The following CR1L variants were observed in gnomAD, a reference collection of about 807,000 sequenced individuals.
CR1L encodes complement component receptor 1-like protein.
A neutral mutation model predicts 62.3 loss-of-function variants in CR1L; 59 were observed. The observed-to-expected ratio is 0.95, with a 90% CI of 0.77 to 1.18. The LOEUF (loss-of-function observed/expected upper bound fraction) is 1.18, where lower values mean the gene tolerates loss of function less well. CR1L is among the 50% of genes most tolerant of loss of function. The pLI, the probability that CR1L is intolerant of heterozygous loss-of-function variation, is 0.00. For missense variants in CR1L, 700 were observed against 702.8 expected (o/e 1.00, Z 0.04); for synonymous variants, 279 against 248.7 (o/e 1.12, Z -1.15).
intron 1 of CR1L, among the ~76,000 whole-genome samples, chr1:207,676,569 C>T (rs1208925348): frequency 6.6e-6 from 1 of 152,144 alleles, no homozygotes; most frequent in African/African-American, 2.4e-5. Context: ...CCTCCATTCA[C>T]GTAAAAATTG....
intron 4 of CR1L, among the ~76,000 whole-genome samples, chr1:207,691,207 T>C (rs1296624605): frequency 6.6e-6 from 1 of 152,248 alleles, no homozygotes; most frequent in Non-Finnish European, 1.5e-5. Flanking sequence ...TTGTTTATTC[T>C]TTCTGCTGAA....
intron 1 of CR1L, 143 bp downstream of exon 1, chr1:207,645,473 C>A: frequency 2.2e-6 from 2 of 909,292 alleles, no homozygotes; most frequent in South Asian, 2.9e-5. Flanking sequence ...CGAGGGGTGC[C>A]GTGCTCAGAT....
intron 3 of CR1L, among the ~76,000 whole-genome samples, chr1:207,679,001 T>C (rs1663751329): frequency 7.0e-6 from 1 of 142,922 alleles, no homozygotes; most frequent in Non-Finnish European, 1.5e-5. Flanking sequence ...AAGTTCTTTT[T>C]TTTTTTTTTT....
chr1:207,697,687 G>A lies in CR1L; in HGVS notation c.1039+8G>A, dbSNP rs1260326312. 6.2e-7 allele frequency: 1 copy of A among 1,614,008 alleles called. No individual in the cohort carries two copies. Among genetic ancestry groups the A allele is most frequent in the Non-Finnish European group, 8.5e-7 (1 of 1,179,884 alleles). ...CAGCCCCCAGATGTGAAGGTGACTA[G>A]ACTCTTATCTGGCTTGGTATTTTTA... is the stretch of plus-strand genomic sequence containing the variant. On this transcript the variant is annotated splice_region_variant and intron_variant, in intron 6 of 11. Coordinates refer to ENST00000508064, the MANE Select transcript of CR1L (RefSeq NM_175710.2).
chr1:207,706,079 A>G (rs557621428), intron 9 of CR1L, among the ~76,000 whole-genome samples: 1 of 150,038 alleles, frequency 6.7e-6, no homozygotes, highest in East Asian at 1.9e-4. Flanking sequence ...TAAAGCAAAG[A>G]GTAAGAAGAG....
In CR1L at chr1:207,645,314, G is replaced by A. The variant is rs746701479; in HGVS notation, c.81G>A (p.Leu27=). The stretch of plus-strand genomic sequence containing the variant: ...TGCTTCTGGCGGCCCTGGTGTTGCT[G>A]CTGTCCTCCTTCTCCGGTAGGACCC... The part of the protein sequence containing the change: ...PGLLLAALVL[L]LSSFSDQCNV... Residue 27 remains leucine, a synonymous_variant, in exon 1 of 12, where the codon CTG becomes CTA. Transcript: ENST00000508064. The A allele has an allele frequency of 1.4e-5, 23 of 1,613,934 alleles. No homozygotes were observed. Among genetic ancestry groups the A allele is most frequent in the East Asian group, 2.2e-5 (1 of 44,884 alleles).
chr1:207,719,210 T>A (rs2102484799), intron 11 of CR1L, among the ~76,000 whole-genome samples: 1 of 146,108 alleles, frequency 6.8e-6, no homozygotes, highest in African/African-American at 2.5e-5. Context: ...TATACATATG[T>A]AACTAACCTG....
At chr1:207,721,947 GA>G (rs1249570659) in intron 11 of CR1L, among the ~76,000 whole-genome samples, 9 of 83,078 alleles carry the variant, frequency 1.1e-4, no homozygotes. Flanking sequence ...GGCCAGTGAT[GA>G]TGAGCATTTT....
intron 9 of CR1L, among the ~76,000 whole-genome samples, chr1:207,703,933 A>G (rs1314505547): frequency 3.3e-5 from 5 of 152,104 alleles, no homozygotes; most frequent in Non-Finnish European, 4.4e-5. Context: ...CAGGTTGGGC[A>G]ATAGAGGGAG....
At position 207,697,375 on chromosome 1, in the gene CR1L, G is replaced by A; in HGVS notation, c.863-128G>A. The A allele has an allele frequency of 6.4e-6, 10 of 1,571,862 alleles. No homozygotes were observed. The South Asian group carries it at 9.6e-5, about 15-fold the overall frequency. ...CCTGTGTATTTAGTTTGTTATCAATGTAATAAGGCTGTTATTCTACCTTTT... is the reference window on the plus strand; with the variant it reads ...CCTGTGTATTTAGTTTGTTATCAATATAATAAGGCTGTTATTCTACCTTTT... On this transcript the variant is annotated intron_variant, in intron 5 of 11. Transcript: ENST00000508064.
At chr1:207,699,825 G>A (rs1664164322) in intron 8 of CR1L, among the ~76,000 whole-genome samples, 1 of 152,066 alleles carries the variant, frequency 6.6e-6, no homozygotes, top group Admixed American at 6.6e-5. Flanking sequence ...TGAAGTCCCT[G>A]TCCCCATGTT....
chr1:207,706,475 TATTA>T (rs1664269562), intron 9 of CR1L, among the ~76,000 whole-genome samples: 1 of 151,942 alleles, frequency 6.6e-6, no homozygotes, highest in African/African-American at 2.4e-5. Context: ...TCAAATTATG[TATTA>T]AAAAAATTCC....
At chr1:207,689,271 T>C (rs1199176115) in intron 4 of CR1L, among the ~76,000 whole-genome samples, 3 of 152,094 alleles carry the variant, frequency 2.0e-5, no homozygotes, top group Admixed American at 2.0e-4. Context: ...TTACATTGAT[T>C]GATCTTTAAA....
intron 11 of CR1L, among the ~76,000 whole-genome samples, chr1:207,721,335 C>T (rs1188980324): frequency 8.8e-6 from 1 of 113,926 alleles, no homozygotes; most frequent in African/African-American, 3.3e-5. Flanking sequence ...AATTCTATCC[C>T]TCCCCCCTCC....
At chr1:207,711,737 T>G (rs1664361036) in intron 10 of CR1L, among the ~76,000 whole-genome samples, 1 of 152,058 alleles carries the variant, frequency 6.6e-6, no homozygotes, top group Non-Finnish European at 1.5e-5. Flanking sequence ...TGAAACCCTG[T>G]CTTTACTAAA....
rs569259923 is a variant in CR1L at position 207,651,017 on chromosome 1, C to T, written c.97+5687C>T. 5.3e-5 allele frequency among the ~76,000 whole-genome samples: 8 copies of T among 152,134 alleles called. No homozygotes were observed. In the East Asian group the frequency reaches 1.4e-3, roughly 26 times the overall value. On this transcript the variant is annotated intron_variant, in intron 1 of 11. Coordinates refer to ENST00000508064, the MANE Select transcript of CR1L (RefSeq NM_175710.2). Reference sequence around the variant, plus strand: ...AGCCAGGATGGTCTCTATCTCCTGACCTCGTGATCCGCCCGCCTCGGCCTC... The same window carrying T: ...AGCCAGGATGGTCTCTATCTCCTGATCTCGTGATCCGCCCGCCTCGGCCTC...
At chr1:207,719,054 A>T (rs1654072993) in intron 11 of CR1L, among the ~76,000 whole-genome samples, 1 of 140,396 alleles carries the variant, frequency 7.1e-6, no homozygotes, top group Admixed American at 7.4e-5. Flanking sequence ...TGGGAATTGA[A>T]CAATGAGATC....
chr1:207,659,976 G>A (rs1169527928), intron 1 of CR1L, among the ~76,000 whole-genome samples: 1 of 152,226 alleles, frequency 6.6e-6, no homozygotes, highest in Non-Finnish European at 1.5e-5. Context: ...GCTAAGGCTT[G>A]ACTGGGCGGT....
intron 1 of CR1L, among the ~76,000 whole-genome samples, chr1:207,652,919 A>G (rs1365285513): frequency 6.6e-6 from 1 of 152,128 alleles, no homozygotes; most frequent in East Asian, 1.9e-4. Flanking sequence ...TCTTGGCAAT[A>G]GATTGCCTGG....
Sources: gnomAD v4.1 joint callset for allele counts (sites outside exome capture counted in the v4.1 genomes callset) on GRCh38, gnomAD v4.1.1 for gene constraint, MANE v1.5 for transcripts, NCBI Gene and HGNC (gene_info 2026-07-23, HGNC 2026-07-21) for gene names.